Variants in CDYL observed in about 807,000 individuals in gnomAD.
CDYL encodes chromodomain Y-like protein.
A neutral mutation model predicts 47.3 loss-of-function variants in CDYL; 8 were observed. That is an observed-to-expected ratio of 0.17 (90% CI 0.10 to 0.31). The LOEUF (loss-of-function observed/expected upper bound fraction) is 0.31. Among genes scored for constraint, CDYL ranks in the 10% least tolerant of loss-of-function variants. The pLI, the probability that CDYL is intolerant of heterozygous loss-of-function variation, is 1.00. For missense variants in CDYL, 471 were observed against 701.4 expected, an observed-to-expected ratio of 0.67 and a Z score of 3.71; for synonymous variants, 266 against 265.0, an observed-to-expected ratio of 1.00 and a Z score of -0.04.
chr6:4,931,387 C>G (rs1302739414), intron 2 of CDYL, among the ~76,000 whole-genome samples: 1 of 152,192 alleles, frequency 6.6e-6, no homozygotes, highest in Non-Finnish European at 1.5e-5. Context: ...GAAGGCTTGT[C>G]TGAGATGCTG....
intron 1 of CDYL, among the ~76,000 whole-genome samples, chr6:4,879,897 T>G (rs1581231847): frequency 6.6e-6 from 1 of 152,110 alleles, no homozygotes; most frequent in Non-Finnish European, 1.5e-5. Context: ...AAGAGTAGTT[T>G]CAAATTCTCA....
intron 1 of CDYL, among the ~76,000 whole-genome samples, chr6:4,813,321 T>C (rs751865169): frequency 5.9e-5 from 9 of 152,220 alleles, no homozygotes; most frequent in African/African-American, 9.6e-5. Flanking sequence ...TTCCCAAAAA[T>C]GTCTAGTTGT....
At chr6:4,872,990 T>C (rs1236817312) in intron 1 of CDYL, among the ~76,000 whole-genome samples, 1 of 152,248 alleles carries the variant, frequency 6.6e-6, no homozygotes, top group Non-Finnish European at 1.5e-5. Context: ...TCTTTTGAGG[T>C]ATCTGAAGAA....
rs374078589 is a variant in CDYL at position 4,833,784 on chromosome 6, T to G, written c.24+56977T>G. ...GTATTGGGTGCATATATATTTAGGATAGTTAGCTCTTCTTGTTGAATTGAT... is the reference window on the plus strand; with the variant it reads ...GTATTGGGTGCATATATATTTAGGAGAGTTAGCTCTTCTTGTTGAATTGAT... On this transcript the variant is annotated intron_variant, in intron 1 of 6. Transcript: ENST00000397588. Among the ~76,000 whole-genome samples the G allele has an allele frequency of 2.3e-4, 35 of 151,978 alleles. No individual in the cohort carries two copies. In the East Asian group the frequency reaches 4.6e-3, roughly 20 times the overall value.
chr6:4,848,492 G>A (rs1467459290), intron 1 of CDYL, among the ~76,000 whole-genome samples: 1 of 152,198 alleles, frequency 6.6e-6, no homozygotes, highest in African/African-American at 2.4e-5. Context: ...TTTGACAAAT[G>A]CATCAATGAC....
intron 1 of CDYL, among the ~76,000 whole-genome samples, chr6:4,801,879 C>A (rs1229254935): frequency 6.6e-6 from 1 of 152,208 alleles, no homozygotes; most frequent in African/African-American, 2.4e-5. Context: ...TGGTTTCTGA[C>A]TGCTTTTTCA....
intron 5 of CDYL, among the ~76,000 whole-genome samples, chr6:4,950,053 G>A (rs940708624): frequency 6.6e-6 from 1 of 152,216 alleles, no homozygotes; most frequent in Non-Finnish European, 1.5e-5. Context: ...CAATGAGTGA[G>A]TGCTGAGCAG....
intron 1 of CDYL, among the ~76,000 whole-genome samples, chr6:4,891,090 T>C (rs983870468): frequency 1.3e-5 from 2 of 152,242 alleles, no homozygotes; most frequent in Non-Finnish European, 2.9e-5. Context: ...ATTAACAGCA[T>C]CTCCATTGAA....
At chr6:4,787,669 C>T (rs963226837) in intron 1 of CDYL, among the ~76,000 whole-genome samples, 11 of 151,760 alleles carry the variant, frequency 7.2e-5, no homozygotes, top group East Asian at 1.9e-4. Context: ...TTCATGGCAA[C>T]GCTGCCCCCT....
At chr6:4,952,559 G>A (rs754978429) in intron 6 of CDYL, 150 bp downstream of exon 6, 52 of 797,968 alleles carry the variant, frequency 6.5e-5, no homozygotes, top group Non-Finnish European at 9.0e-5. Context: ...ACCTATTGCC[G>A]CCACTGCCCC....
At chr6:4,775,901 C>CG (rs1554135235), upstream of CDYL, among the ~76,000 whole-genome samples, 1 of 150,258 alleles carries the variant, frequency 6.7e-6, no homozygotes, top group Non-Finnish European at 1.5e-5. The surrounding 1 kb of genome is among the most constrained non-coding windows in gnomAD (Gnocchi z 7.0). Flanking sequence ...GCGCGGTAGA[C>CG]GGCGCGGCCG....
At chr6:4,861,183 A>G (rs937928050) in intron 1 of CDYL, among the ~76,000 whole-genome samples, 2 of 152,258 alleles carry the variant, frequency 1.3e-5, no homozygotes, top group South Asian at 2.1e-4. Flanking sequence ...TGGGAAGCCT[A>G]TCTGTGTCCT....
In CDYL at chr6:4,939,389, G is replaced by A. The variant is rs146250234; in HGVS notation, c.1121+1652G>A. Among the ~76,000 whole-genome samples the A allele has an allele frequency of 4.2e-3, 645 of 152,264 alleles. 3 individuals carry two copies. The highest frequency in any genetic ancestry group is 6.8e-3 in the Middle Eastern group (2 of 294). ...GGGCACCAAACAGCCCATCACAGGA[G>A]TCCTGGAACCCACACCTCTGGGTTG... is the stretch of plus-strand genomic sequence containing the variant. On this transcript the variant is annotated intron_variant, in intron 4 of 6. Transcript: ENST00000397588.
At chr6:4,743,881 A>G (rs1045263598) in intron 3 of CDYL, among the ~76,000 whole-genome samples, 10 of 152,280 alleles carry the variant, frequency 6.6e-5, no homozygotes, top group Non-Finnish European at 1.2e-4. Context: ...AACAGTTCCT[A>G]GTAATAACTT....
At chr6:4,940,008 T>C (rs1758316920) in intron 4 of CDYL, among the ~76,000 whole-genome samples, 2 of 152,088 alleles carry the variant, frequency 1.3e-5, no homozygotes, top group Non-Finnish European at 2.9e-5. Context: ...AGCTCACTCC[T>C]CCCTCCAGCG....
At position 4,718,073 on chromosome 6, in the gene CDYL, G is replaced by C. The variant is rs557484235; in HGVS notation, c.103+2192G>C. ...GCCCAGGCTGGTCTCCTGGCCTCAA[G>C]CAATCCTCCTGCCTCAGCCTCCCAA... On this transcript the variant is annotated intron_variant, in intron 2 of 8. Coordinates refer to the CDYL transcript ENST00000328908. Among the ~76,000 whole-genome samples the C allele has an allele frequency of 2.0e-5, 3 of 152,184 alleles. No individual in the cohort carries two copies. The South Asian group carries it at 6.2e-4, about 32-fold the overall frequency.
chr6:4,911,982 ACCTTTG>A (rs1757427325), intron 2 of CDYL, among the ~76,000 whole-genome samples: 2 of 152,136 alleles, frequency 1.3e-5, no homozygotes, highest in Non-Finnish European at 2.9e-5. Context: ...AGCCATACTA[ACCTTTG>A]CTGTTGTCTT....
At chr6:4,906,631 A>G (rs995272518) in intron 2 of CDYL, among the ~76,000 whole-genome samples, 20 of 152,230 alleles carry the variant, frequency 1.3e-4, no homozygotes, top group African/African-American at 4.6e-4. Context: ...GAAAGTAAGC[A>G]TAAGTTTAAC....
chr6:4,817,476 T>G (rs985951237), intron 1 of CDYL, among the ~76,000 whole-genome samples: 1 of 152,228 alleles, frequency 6.6e-6, no homozygotes, highest in Admixed American at 6.5e-5. Flanking sequence ...GAGCCACCAC[T>G]AGACAGTACA....
Sources: gnomAD v4.1 joint callset for allele counts (sites outside exome capture counted in the v4.1 genomes callset) on GRCh38, gnomAD v4.1.1 for gene constraint, Gnocchi (gnomAD v3.1) non-coding constraint, MANE v1.5 for transcripts, NCBI Gene and HGNC (gene_info 2026-07-23, HGNC 2026-07-21) for gene names.